ANKAR: variants seen among roughly 807,000 people sequenced by gnomAD.
The protein encoded by ANKAR is ankyrin and armadillo repeat-containing protein.
Under a neutral mutation model 146.2 loss-of-function variants are expected in ANKAR, and 136 were observed. The ratio of observed to expected loss-of-function variants is 0.93; its 90% CI spans 0.81 to 1.07. The LOEUF is 1.07. Among genes scored for constraint, ANKAR ranks in the 50% least tolerant of loss-of-function variants. ANKAR has a pLI of 0.00. For missense variants in ANKAR, 1,567 were observed against 1,679.9 expected, an observed-to-expected ratio of 0.93 and a Z score of 1.18; for synonymous variants, 500 against 575.8, an observed-to-expected ratio of 0.87 and a Z score of 1.88.
chr2:189,727,766 T>C, intron 12 of ANKAR, 90 bp from the exon 13 acceptor site: 1 of 1,431,180 alleles, frequency 7.0e-7, no homozygotes, highest in Non-Finnish European at 9.4e-7. Context: ...TAAATTTGAT[T>C]TTATAATATG....
At chr2:189,750,617 T>C (rs762909000), downstream of ANKAR, 1 of 1,592,264 alleles carries the variant, frequency 6.3e-7, no homozygotes, top group East Asian at 2.3e-5. Flanking sequence ...TTATGGAAGC[T>C]TCTCCAACTT....
At chr2:189,754,060 A>G (rs1425790129) in intron 18 of ANKAR, 1 of 1,613,058 alleles carries the variant, frequency 6.2e-7, no homozygotes, top group Non-Finnish European at 8.5e-7. Context: ...GCCCCTTCTC[A>G]ATACCTGCAG....
At chr2:189,754,868 G>T in intron 18 of ANKAR, 6 of 330,816 alleles carry the variant, frequency 1.8e-5, no homozygotes, top group East Asian at 1.5e-4. Context: ...TACCTTTTTT[G>T]CAGTATGTTA....
chr2:189,740,183 C>G (rs559392922), intron 19 of ANKAR, among the ~76,000 whole-genome samples: 2 of 152,356 alleles, frequency 1.3e-5, no homozygotes, highest in South Asian at 4.1e-4. Context: ...ATTCTCTACT[C>G]GGAGTTCCTC....
chr2:189,701,980 T>C (rs758009144), intron 7 of ANKAR, among the ~76,000 whole-genome samples: 15 of 152,202 alleles, frequency 9.9e-5, no homozygotes, highest in Non-Finnish European at 1.6e-4. Context: ...CCTATGATTA[T>C]ATCTCAGTCT....
In ANKAR at chr2:189,724,976, T is replaced by C. The variant is rs74270971; in HGVS notation, c.2636-2880T>C. 4.5e-3 allele frequency among the ~76,000 whole-genome samples: 689 copies of C among 152,312 alleles called. 16 individuals carry two copies. Among genetic ancestry groups the C allele is most frequent in the Admixed American group, 0.033 (509 of 15,298 alleles). ...TTTAAACACAGTGCATTATATACCA[T>C]CTTTCTAAGGGTAAACACAAAACAA... On this transcript the variant is annotated intron_variant, in intron 12 of 22. Coordinates refer to ENST00000684021, the MANE Select transcript of ANKAR (RefSeq NM_001378068.1).
intron 10 of ANKAR, among the ~76,000 whole-genome samples, chr2:189,717,743 A>G (rs1010920634): frequency 6.6e-6 from 1 of 152,240 alleles, no homozygotes; most frequent in Non-Finnish European, 1.5e-5. Flanking sequence ...TACACCATGG[A>G]ATACTATGCA....
intron 16 of ANKAR, among the ~76,000 whole-genome samples, chr2:189,732,161 C>A (rs2042462947): frequency 6.6e-6 from 1 of 152,076 alleles, no homozygotes; most frequent in Non-Finnish European, 1.5e-5. Context: ...TGCAATAATT[C>A]AATAATCATA....
rs757678765 is a variant in ANKAR at position 189,719,627 on chromosome 2, C to A, written c.2280C>A (p.Cys760Ter). 1.2e-6 allele frequency: 2 copies of A among 1,613,774 alleles called. No homozygotes were observed. Among genetic ancestry groups the A allele is most frequent in the Non-Finnish European group, 1.7e-6 (2 of 1,179,814 alleles). The change falls in exon 11 of 23, where the codon TGC becomes TGA. Residue 760 changes from cysteine (C) to a stop codon, truncating the protein, a stop_gained. Coordinates refer to ENST00000684021, the MANE Select transcript of ANKAR (RefSeq NM_001378068.1). LOFTEE classifies it high-confidence loss of function. ...LLKSSKIKLQ[C>*]KTVGLLSNIS... The stretch of plus-strand genomic sequence containing the variant: ...AAAGTTCCAAAATAAAACTGCAGTG[C>A]AAAACTGTTGGGTTATTGAGTAATA...
At position 189,697,679 on chromosome 2, in the gene ANKAR, T is replaced by TA. The variant is rs1301571745; in HGVS notation, c.1708+1310_1708+1311insA. On this transcript the variant is annotated intron_variant, in intron 7 of 22. Coordinates refer to ENST00000684021, the MANE Select transcript of ANKAR (RefSeq NM_001378068.1). ...TTTAAAGATGTATTACTTTAAGCCT[T>TA]TTTTAGTGTGGAAAAAGTCTTTGAT... 2.0e-5 allele frequency among the ~76,000 whole-genome samples: 3 copies of TA among 152,098 alleles called. No individual in the cohort carries two copies. The South Asian group carries it at 6.2e-4, about 31-fold the overall frequency.
At chr2:189,758,941 C>T (rs1472682029) in intron 18 of ANKAR, among the ~76,000 whole-genome samples, 2 of 152,178 alleles carry the variant, frequency 1.3e-5, no homozygotes, top group South Asian at 2.1e-4. Context: ...TTCAAAAGTT[C>T]AGTGCACTCA....
chr2:189,687,550 A>G (rs770534510), intron 2 of ANKAR, among the ~76,000 whole-genome samples: 2 of 152,192 alleles, frequency 1.3e-5, no homozygotes, highest in Non-Finnish European at 2.9e-5. Context: ...TGTTCTCCAT[A>G]GTGGCTGTAC....
chr2:189,748,509 A>G (rs954426097), downstream of ANKAR, among the ~76,000 whole-genome samples: 4 of 152,242 alleles, frequency 2.6e-5, no homozygotes, highest in African/African-American at 9.6e-5. Flanking sequence ...GCTACCATGC[A>G]AAGTTTGTGT....
chr2:189,696,015 G>A, intron 6 of ANKAR, 135 bp from the exon 7 acceptor site: 1 of 688,964 alleles, frequency 1.5e-6, no homozygotes, highest in Non-Finnish European at 2.4e-6. Context: ...AACTTTCCAT[G>A]CATGGATCTT....
chr2:189,732,636 GGGC>G (rs1387937131), intron 16 of ANKAR, among the ~76,000 whole-genome samples: 1 of 128,514 alleles, frequency 7.8e-6, no homozygotes, highest in Non-Finnish European at 1.6e-5. Context: ...ACTCCAGCCT[GGGC>G]AACAGAGCAA....
At chr2:189,729,162 A>T (rs1159318980) in intron 15 of ANKAR, among the ~76,000 whole-genome samples, 1 of 152,204 alleles carries the variant, frequency 6.6e-6, no homozygotes, top group African/African-American at 2.4e-5. Flanking sequence ...TTTTGAAGAT[A>T]TAGAAGAGTT....
chr2:189,715,890 C>A (rs1164682742), intron 10 of ANKAR, among the ~76,000 whole-genome samples: 2 of 152,124 alleles, frequency 1.3e-5, no homozygotes, highest in African/African-American at 2.4e-5. Flanking sequence ...ATTCAACAGC[C>A]CTTCATGCTA....
chr2:189,676,934 C>T lies in ANKAR; in HGVS notation c.444C>T (p.Ile148=). The T allele has an allele frequency of 6.2e-7, 1 of 1,613,998 alleles. No individual in the cohort carries two copies. Among genetic ancestry groups the T allele is most frequent in the Non-Finnish European group, 8.5e-7 (1 of 1,180,010 alleles). ...ATACCAGAATTGGGCAAATTCTGAT[C>T]AATATTGACTACATGCTGAAAGCAC... The part of the protein sequence containing the change: ...YYDTRIGQIL[I]NIDYMLKALW... Residue 148 remains isoleucine, a synonymous_variant, in exon 2 of 23, where the codon ATC becomes ATT. Coordinates refer to ENST00000684021, the MANE Select transcript of ANKAR (RefSeq NM_001378068.1).
chr2:189,738,265 C>T (rs1372469454), intron 18 of ANKAR, among the ~76,000 whole-genome samples: 1 of 152,154 alleles, frequency 6.6e-6, no homozygotes, highest in Non-Finnish European at 1.5e-5. Flanking sequence ...TCTCTCTCTT[C>T]ATTTTCTATC....
Sources: gnomAD v4.1 joint callset for allele counts (sites outside exome capture counted in the v4.1 genomes callset) on GRCh38, gnomAD v4.1.1 for gene constraint, MANE v1.5 for transcripts, NCBI Gene and HGNC (gene_info 2026-07-23, HGNC 2026-07-21) for gene names.